ARB2A: variants seen among roughly 807,000 people sequenced by gnomAD.
ARB2A encodes the protein cotranscriptional regulator ARB2A.
chr5:93,941,575 CTCTT>C, the ARB2A span, among the ~76,000 whole-genome samples: 1 of 152,146 alleles, frequency 6.6e-6, no homozygotes, highest in Admixed American at 6.6e-5. Flanking sequence ...CCCTTTCTTT[CTCTT>C]TCTAAGTCTC....
At chr5:93,699,866 A>G in the ARB2A span, among the ~76,000 whole-genome samples, 1 of 151,650 alleles carries the variant, frequency 6.6e-6, no homozygotes, top group Non-Finnish European at 1.5e-5. Context: ...ACAGAGGCCC[A>G]GAGGTCCATG....
the ARB2A span, among the ~76,000 whole-genome samples, chr5:93,938,866 A>C: frequency 6.6e-6 from 1 of 152,218 alleles, no homozygotes; most frequent in African/African-American, 2.4e-5. Context: ...ATCACAAACA[A>C]CACACACAGT....
chr5:94,011,936 C>CAAAAAAAAAAAAAAAAAAAAA, the ARB2A span, among the ~76,000 whole-genome samples: 2 of 30,180 alleles, frequency 6.6e-5, no homozygotes, highest in Non-Finnish European at 1.3e-4. Context: ...AAAGGGTAGA[C>CAAAAAAAAAAAAAAAAAAAAA]AAAAAAAAAA....
chr5:93,951,084 C>T, the ARB2A span, among the ~76,000 whole-genome samples: 4 of 152,038 alleles, frequency 2.6e-5, no homozygotes, highest in South Asian at 2.1e-4. Flanking sequence ...TGATCAACGA[C>T]GTTGGGCACC....
the ARB2A span, among the ~76,000 whole-genome samples, chr5:93,771,312 G>T: frequency 6.6e-6 from 1 of 151,908 alleles, no homozygotes; most frequent in Non-Finnish European, 1.5e-5. Flanking sequence ...AGTCAAGATG[G>T]ATTAAAGACT....
chr5:93,684,758 T>C, the ARB2A span, among the ~76,000 whole-genome samples: 3 of 152,214 alleles, frequency 2.0e-5, no homozygotes, highest in Admixed American at 1.3e-4. Context: ...GTAACACAGA[T>C]GTTTGCATCA....
chr5:93,913,627 C>T, the ARB2A span, among the ~76,000 whole-genome samples: 1 of 151,894 alleles, frequency 6.6e-6, no homozygotes, highest in Admixed American at 6.6e-5. Flanking sequence ...TAACCATATC[C>T]TAAGTTCAGA....
the ARB2A span, among the ~76,000 whole-genome samples, chr5:93,906,074 A>C: frequency 4.0e-5 from 6 of 151,676 alleles, 1 homozygote; most frequent in East Asian, 1.9e-4. Flanking sequence ...TATAAAGATA[A>C]TCAACCAACG....
chr5:93,960,993 A>G, the ARB2A span, among the ~76,000 whole-genome samples: 1 of 152,172 alleles, frequency 6.6e-6, no homozygotes. Flanking sequence ...CCTTTTACCT[A>G]GGAACATTAT....
chr5:93,803,617 C>T, the ARB2A span, among the ~76,000 whole-genome samples: 46 of 150,752 alleles, frequency 3.1e-4, no homozygotes, highest in African/African-American at 1.0e-3. Context: ...GGGTACTAGG[C>T]TTAAGACCTT....
the ARB2A span, among the ~76,000 whole-genome samples, chr5:93,827,198 T>G: frequency 6.6e-6 from 1 of 152,160 alleles, no homozygotes; most frequent in Admixed American, 6.5e-5. Flanking sequence ...TTGAACTAGT[T>G]TACAGTCCCA....
chr5:93,834,115 A>C, the ARB2A span, among the ~76,000 whole-genome samples: 2 of 152,222 alleles, frequency 1.3e-5, no homozygotes, highest in Admixed American at 1.3e-4. Flanking sequence ...CCCACTGAGC[A>C]TTTCCAACCA....
At chr5:93,653,780 T>TA in the ARB2A span, among the ~76,000 whole-genome samples, 2 of 152,130 alleles carry the variant, frequency 1.3e-5, no homozygotes, top group African/African-American at 2.4e-5. Flanking sequence ...TCTATCCTTA[T>TA]AAAAAACCAG....
the ARB2A span, among the ~76,000 whole-genome samples, chr5:93,921,444 T>C: frequency 6.6e-6 from 1 of 152,170 alleles, no homozygotes; most frequent in Non-Finnish European, 1.5e-5. Context: ...GGTCTGGCTT[T>C]AGAAATGTCA....
chr5:94,036,317 C>G, the ARB2A span, among the ~76,000 whole-genome samples: 2 of 152,204 alleles, frequency 1.3e-5, no homozygotes, highest in African/African-American at 4.8e-5. Context: ...TCATCCCATT[C>G]CTCCACATTC....
the ARB2A span, among the ~76,000 whole-genome samples, chr5:93,707,168 T>C: frequency 6.6e-6 from 1 of 152,218 alleles, no homozygotes; most frequent in Admixed American, 6.5e-5. Flanking sequence ...ATTGGGAGGC[T>C]GAACAAGTTT....
At chr5:93,853,339 A>G in the ARB2A span, among the ~76,000 whole-genome samples, 5 of 152,232 alleles carry the variant, frequency 3.3e-5, no homozygotes, top group Admixed American at 3.3e-4. Context: ...GTTGCTTATC[A>G]GCTTAAGGAG....
chr5:94,066,421 A>AGCAC, the ARB2A span, among the ~76,000 whole-genome samples: 26 of 122,938 alleles, frequency 2.1e-4, no homozygotes, highest in African/African-American at 8.8e-4. Context: ...TGCCAGACTA[A>AGCAC]GCACACACAC....
the ARB2A span, among the ~76,000 whole-genome samples, chr5:93,969,838 C>T: frequency 6.6e-6 from 1 of 152,016 alleles, no homozygotes; most frequent in Non-Finnish European, 1.5e-5. Context: ...AACCTTTAGT[C>T]CAGTAACAGC....
Sources: allele counts gnomAD v4.1 joint callset (sites outside exome capture counted in the v4.1 genomes callset), GRCh38; gene constraint gnomAD v4.1.1; transcripts MANE v1.5; gene names NCBI Gene and HGNC (gene_info 2026-07-23, HGNC 2026-07-21).